Variants in RBFOX1 observed in about 807,000 individuals in gnomAD.
RBFOX1 encodes RNA binding protein fox-1 homolog 1.
Under a neutral mutation model 57.7 loss-of-function variants are expected in RBFOX1, and 8 were observed. The ratio of observed to expected loss-of-function variants is 0.14; its 90% confidence interval spans 0.08 to 0.25. The LOEUF is 0.25. RBFOX1 is among the 10% of genes least tolerant of loss of function. RBFOX1 has a pLI of 1.00. For missense variants in RBFOX1, 611 were observed against 548.5 expected, an observed-to-expected ratio of 1.11 and a Z score of -1.14; for synonymous variants, 326 against 222.4, an observed-to-expected ratio of 1.47 and a Z score of -4.15.
intron 2 of RBFOX1, among the ~76,000 whole-genome samples, chr16:6,616,448 G>A (rs189747485): frequency 9.4e-4 from 143 of 151,978 alleles, no homozygotes; most frequent in African/African-American, 3.2e-3. Flanking sequence ...AGGCCGAGGC[G>A]GGTGGATCAC....
chr16:6,582,852 A>T (rs567653571), intron 2 of RBFOX1, among the ~76,000 whole-genome samples: 3 of 106,854 alleles, frequency 2.8e-5, no homozygotes, highest in Non-Finnish European at 6.4e-5. Flanking sequence ...TCATTTCAAC[A>T]GAAACAACTG....
intron 2 of RBFOX1, among the ~76,000 whole-genome samples, chr16:6,437,675 C>A (rs984667067): frequency 6.6e-6 from 1 of 152,136 alleles, no homozygotes; most frequent in Non-Finnish European, 1.5e-5. Flanking sequence ...GGAGGCATGG[C>A]TGGGAGGCCT....
At chr16:6,114,779 A>G (rs1203286727) in intron 1 of RBFOX1, among the ~76,000 whole-genome samples, 1 of 152,154 alleles carries the variant, frequency 6.6e-6, no homozygotes, top group Non-Finnish European at 1.5e-5. Context: ...TGGGAGGATT[A>G]TTGGCTTCAC....
intron 4 of RBFOX1, among the ~76,000 whole-genome samples, chr16:5,987,018 C>T (rs191784325): frequency 6.6e-6 from 1 of 152,306 alleles, no homozygotes; most frequent in East Asian, 1.9e-4. Flanking sequence ...AGTTTATTTG[C>T]ATCCTCACCA....
intron 3 of RBFOX1, among the ~76,000 whole-genome samples, chr16:5,818,247 T>A (rs1418770239): frequency 6.6e-6 from 1 of 152,154 alleles, no homozygotes; most frequent in African/African-American, 2.4e-5. Context: ...TGTACCGTCA[T>A]CAGTTTTGCA....
rs542260268 is a variant in RBFOX1 at position 5,572,363 on chromosome 16, A to C, written c.259-26539A>C. Among the ~76,000 whole-genome samples the C allele has an allele frequency of 9.0e-4, 137 of 152,354 alleles. No individual in the cohort carries two copies. In the Middle Eastern group the frequency reaches 0.02, roughly 23 times the overall value. On this transcript the variant is annotated intron_variant, in intron 2 of 2. Transcript: ENST00000585867. ...GTCCATGGCAATGAACACAGCAGAC[A>C]AAAATCCCTGAGGCCACTAACAGTA...
At chr16:6,901,115 C>G (rs576090133) in intron 3 of RBFOX1, among the ~76,000 whole-genome samples, 1 of 152,140 alleles carries the variant, frequency 6.6e-6, no homozygotes, top group Non-Finnish European at 1.5e-5. Context: ...AATTTCCTAT[C>G]GACAGGCTTT....
chr16:6,957,262 G>C (rs2082064838), intron 3 of RBFOX1, among the ~76,000 whole-genome samples: 1 of 151,822 alleles, frequency 6.6e-6, no homozygotes, highest in Admixed American at 6.6e-5. Context: ...CTCCCGAGTA[G>C]CTGGGACTAC....
intron 3 of RBFOX1, among the ~76,000 whole-genome samples, chr16:6,826,376 A>T (rs972551795): frequency 6.6e-6 from 1 of 152,110 alleles, no homozygotes; most frequent in African/African-American, 2.4e-5. Flanking sequence ...GGGTGCTTAG[A>T]ACACTGCCTG....
chr16:6,009,238 G>C (rs1260192951), intron 4 of RBFOX1, among the ~76,000 whole-genome samples: 1 of 151,846 alleles, frequency 6.6e-6, no homozygotes, highest in African/African-American at 2.4e-5. Flanking sequence ...CTACCAAAAA[G>C]CCACGATGGT....
chr16:5,593,928 C>T (rs2151189851), intron 2 of RBFOX1, among the ~76,000 whole-genome samples: 1 of 152,284 alleles, frequency 6.6e-6, no homozygotes, highest in Middle Eastern at 3.4e-3. Context: ...TCTTACACAA[C>T]CTTGGTCCTT....
At chr16:6,804,222 C>T (rs1197583238) in intron 3 of RBFOX1, among the ~76,000 whole-genome samples, 5 of 151,746 alleles carry the variant, frequency 3.3e-5, no homozygotes, top group Non-Finnish European at 5.9e-5. Context: ...GTTGGCCAGG[C>T]TGGACTCAAA....
intron 4 of RBFOX1, among the ~76,000 whole-genome samples, chr16:7,448,389 G>A (rs2098824784): frequency 6.6e-6 from 1 of 152,184 alleles, no homozygotes; most frequent in Admixed American, 6.5e-5. Context: ...TTGCTGGGGA[G>A]ACCTCACAAT....
Position 6,610,818 on chromosome 16 carries a change from A to T in RBFOX1, c.-63-43785A>T, listed in dbSNP as rs959142506. Among the ~76,000 whole-genome samples the T allele has an allele frequency of 3.9e-5, 6 of 152,306 alleles. No individual in the cohort carries two copies. The East Asian group carries it at 1.2e-3, about 29-fold the overall frequency. On this transcript the variant is annotated intron_variant, in intron 2 of 15. Coordinates refer to ENST00000550418, the MANE Select transcript of RBFOX1 (RefSeq NM_018723.4). Reference sequence around the variant, plus strand: ...CCTGCTTTGAGAAGTAGAAATAAAAATGTTCTGGGCATACATACCACTTAT... The same window carrying T: ...CCTGCTTTGAGAAGTAGAAATAAAATTGTTCTGGGCATACATACCACTTAT...
At chr16:6,647,577 A>G (rs2098544071) in intron 2 of RBFOX1, among the ~76,000 whole-genome samples, 1 of 152,086 alleles carries the variant, frequency 6.6e-6, no homozygotes, top group Non-Finnish European at 1.5e-5. Flanking sequence ...ACCTCATTTA[A>G]CCTTAATCAC....
chr16:6,154,111 G>A (rs868273321), intron 1 of RBFOX1, among the ~76,000 whole-genome samples: 12 of 152,192 alleles, frequency 7.9e-5, no homozygotes, highest in African/African-American at 2.7e-4. Context: ...GAAATCAGAT[G>A]TTCCTGCGTC....
chr16:6,843,842 C>T (rs1176672665), intron 3 of RBFOX1, among the ~76,000 whole-genome samples: 1 of 152,170 alleles, frequency 6.6e-6, no homozygotes, highest in African/African-American at 2.4e-5. Flanking sequence ...TGAAGTTCTC[C>T]TGAACTGACT....
chr16:6,978,164 G>A (rs575975445), intron 3 of RBFOX1, among the ~76,000 whole-genome samples: 43 of 152,062 alleles, frequency 2.8e-4, no homozygotes, highest in African/African-American at 1.0e-3. Context: ...CATGGCATAC[G>A]GCAGTGGAGG....
intron 4 of RBFOX1, among the ~76,000 whole-genome samples, chr16:7,484,852 G>A (rs1167418548): frequency 1.3e-5 from 2 of 152,106 alleles, no homozygotes; most frequent in African/African-American, 2.4e-5. Context: ...TGTTTTTTCT[G>A]ATTTAATGGC....
Sources: gnomAD v4.1 joint callset for allele counts (sites outside exome capture counted in the v4.1 genomes callset) on GRCh38, gnomAD v4.1.1 for gene constraint, MANE v1.5 for transcripts, NCBI Gene and HGNC (gene_info 2026-07-23, HGNC 2026-07-21) for gene names.